Variants in DGKE observed in about 807,000 individuals in gnomAD.
DGKE encodes the protein DAG kinase epsilon.
A neutral mutation model predicts 70.0 loss-of-function variants in DGKE; 53 were observed. That is an observed-to-expected ratio of 0.76 (90% confidence interval 0.61 to 0.95). DGKE has a LOEUF of 0.95. DGKE is among the 40% of genes least tolerant of loss of function. The pLI is 0.00. For synonymous variants in DGKE, 291 were observed against 257.0 expected, an observed-to-expected ratio of 1.13 and a Z score of -1.27; for missense variants, 655 against 706.9, an observed-to-expected ratio of 0.93 and a Z score of 0.83.
Position 56,834,781 on chromosome 17 carries a change from T to C in DGKE, c.-15T>C, listed in dbSNP as rs200292945. ...CGCCTGTTTCTTTTCTGGTTAGGTA[T>C]CGTCCTTGGAGAAGATGGAAGCGGA... On this transcript the variant is annotated 5_prime_UTR_variant, in exon 2 of 12. Coordinates refer to ENST00000284061, the MANE Select transcript of DGKE (RefSeq NM_003647.3). The C allele has an allele frequency of 8.1e-5, 129 of 1,585,180 alleles. No individual in the cohort carries two copies. Among genetic ancestry groups the C allele is most frequent in the Middle Eastern group, 6.8e-4 (3 of 4,380 alleles).
chr17:56,838,846 C>T (rs1462444187), intron 2 of DGKE: 1 of 152,088 alleles, frequency 6.6e-6, no homozygotes, highest in African/African-American at 2.4e-5. Context: ...ACGTACATTT[C>T]ATTGTATGTA....
At chr17:56,852,406 C>G (rs1444000379) in intron 7 of DGKE, among the ~76,000 whole-genome samples, 1 of 98,468 alleles carries the variant, frequency 1.0e-5, no homozygotes, top group Non-Finnish European at 2.2e-5. Context: ...GAGCAAGACT[C>G]TGTCTCAAAA....
chr17:56,836,496 C>G (rs1007269778), intron 2 of DGKE: 6 of 152,202 alleles, frequency 3.9e-5, no homozygotes, highest in African/African-American at 1.4e-4. Flanking sequence ...CTTCCCTTCT[C>G]TGGTGTAGCC....
At chr17:56,837,215 T>C (rs975121045) in intron 2 of DGKE, among the ~76,000 whole-genome samples, 9 of 148,724 alleles carry the variant, frequency 6.1e-5, no homozygotes, top group African/African-American at 2.0e-4. Context: ...CGTTTTTTTG[T>C]TTTTTTTTTC....
chr17:56,840,176 GTAATAA>G (rs1224656183), intron 2 of DGKE, among the ~76,000 whole-genome samples: 1 of 152,012 alleles, frequency 6.6e-6, no homozygotes, highest in Non-Finnish European at 1.5e-5. Context: ...AAAAATAATA[GTAATAA>G]TAATAATCTT....
At chr17:56,838,512 C>A (rs921941297) in intron 2 of DGKE, 2 of 152,186 alleles carry the variant, frequency 1.3e-5, no homozygotes, top group African/African-American at 4.8e-5. Flanking sequence ...AAACTTCATT[C>A]ACAAAATCAG....
chr17:56,862,032 A>G (rs1598050781), intron 10 of DGKE, 108 bp from the exon 11 acceptor site: 1 of 1,533,132 alleles, frequency 6.5e-7, no homozygotes, highest in East Asian at 2.3e-5. Flanking sequence ...CTCATTAGTT[A>G]TAAATATTTT....
At chr17:56,844,471 A>C (rs1907172250) in intron 3 of DGKE, among the ~76,000 whole-genome samples, 1 of 152,190 alleles carries the variant, frequency 6.6e-6, no homozygotes, top group African/African-American at 2.4e-5. Context: ...TGAATGATTT[A>C]GGGAGCTTTT....
At chr17:56,854,640 C>A (rs143174383) in intron 7 of DGKE, among the ~76,000 whole-genome samples, 290 of 152,000 alleles carry the variant, frequency 1.9e-3, no homozygotes, top group African/African-American at 6.6e-3. Context: ...TAGATGTTCT[C>A]ACCACAAATA....
rs1908634792 is a variant in DGKE at position 56,868,805 on chromosome 17, T to C, written c.*6014T>C. ...TGTGGCAAGTTCTGATCACATACTT[T>C]TAGACAGAAAGAATAAAAAATTCAT... On this transcript the variant is annotated 3_prime_UTR_variant, in exon 12 of 12. Coordinates refer to ENST00000284061, the MANE Select transcript of DGKE (RefSeq NM_003647.3). 6.6e-6 allele frequency: 1 copy of C among 152,222 alleles called. No homozygotes were observed. Among genetic ancestry groups the C allele is most frequent in the African/African-American group, 2.4e-5 (1 of 41,464 alleles). The allele number at this position is 152,222 out of a possible 1,614,324, so 9.4% of individuals were successfully genotyped here.
chr17:56,835,637 C>T (rs1906565571), intron 2 of DGKE: 1 of 319,782 alleles, frequency 3.1e-6, no homozygotes, highest in Non-Finnish European at 5.7e-6. Flanking sequence ...CTTTTCCCTT[C>T]AGCCGCAAAA....
At chr17:56,858,084 A>G (rs934967269) in intron 8 of DGKE, among the ~76,000 whole-genome samples, 5 of 150,952 alleles carry the variant, frequency 3.3e-5, no homozygotes, top group South Asian at 2.1e-4. Flanking sequence ...AAAAAAAAAA[A>G]AAAAAGAAAA....
intron 4 of DGKE, among the ~76,000 whole-genome samples, chr17:56,847,188 A>C (rs878973802): frequency 7.9e-5 from 12 of 151,376 alleles, no homozygotes; most frequent in African/African-American, 2.7e-4. Context: ...ATGTATTGCA[A>C]AATTGCTTTC....
intron 3 of DGKE, among the ~76,000 whole-genome samples, chr17:56,844,603 T>G (rs1191355398): frequency 6.6e-6 from 1 of 152,176 alleles, no homozygotes; most frequent in Non-Finnish European, 1.5e-5. Context: ...ACAGTCAGTT[T>G]TGGGATTCAT....
Position 56,864,476 on chromosome 17 carries a change from TCTC to T in DGKE, c.*1689_*1691del, listed in dbSNP as rs1233875344. ...TTTTGCTAAATTAACCTCTTGCAGA[TCTC>T]CTCAGGTGATCTTAAATTCTAGTCT... is the stretch of plus-strand genomic sequence containing the variant. On this transcript the variant is annotated 3_prime_UTR_variant, in exon 12 of 12. Transcript: ENST00000284061. 6.6e-6 allele frequency: 1 copy of T among 152,208 alleles called. No individual in the cohort carries two copies. Among genetic ancestry groups the T allele is most frequent in the Non-Finnish European group, 1.5e-5 (1 of 68,040 alleles). 9.4% of individuals were successfully genotyped at this position (152,208 alleles called of 1,614,324 possible).
In DGKE at chr17:56,852,347, A is replaced by C. The variant is rs1402924018; in HGVS notation, c.1098+3115A>C. On this transcript the variant is annotated intron_variant, in intron 7 of 11. Transcript: ENST00000284061. ...AGAATTGCTTGAACCCGAGAGGCAGAGGGTGCAGTGAGCCAAGATCACGCC... is the reference window on the plus strand; with the variant it reads ...AGAATTGCTTGAACCCGAGAGGCAGCGGGTGCAGTGAGCCAAGATCACGCC... Among the ~76,000 whole-genome samples, 3 of 151,682 alleles carry C rather than the reference A, an allele frequency of 2.0e-5. No individual in the cohort carries two copies. In the East Asian group the frequency reaches 5.8e-4, roughly 29 times the overall value.
In DGKE at chr17:56,847,920, A is replaced by T; in HGVS notation, c.745-2A>T. The T allele has an allele frequency of 6.5e-7, 1 of 1,541,992 alleles. No homozygotes were observed. The highest frequency in any genetic ancestry group is 8.7e-7 in the Non-Finnish European group (1 of 1,147,642). On this transcript the variant is annotated splice_acceptor_variant, in intron 4 of 11. Transcript: ENST00000284061. LOFTEE classifies it high-confidence loss of function. The stretch of plus-strand genomic sequence containing the variant: ...TAATTTGTCTTTTTCTTTTGTTTCT[A>T]GGTTTTTGATGTAACTAAAACTCCT...
rs1908601915 is a variant in DGKE, at chr17:56,867,961, C to G, written c.*5170C>G. 6.6e-6 allele frequency: 1 copy of G among 151,772 alleles called. No homozygotes were observed. Among genetic ancestry groups the G allele is most frequent in the African/African-American group, 2.4e-5 (1 of 41,300 alleles). 9.4% of individuals were successfully genotyped at this position (151,772 alleles called of 1,614,324 possible). A position where few individuals can be genotyped will look rare whatever the true frequency, so the allele number is the denominator to read the frequency against. ...GTGTTGCTGGTATCAGATATCAGAC[C>G]AAGAACACTTCAGTCTCTCTAAGGA... On this transcript the variant is annotated 3_prime_UTR_variant, in exon 12 of 12. Transcript: ENST00000284061.
In DGKE at chr17:56,863,338, TAAAA is replaced by T. The variant is rs1008534024; in HGVS notation, c.*551_*554del. 1 of 152,206 alleles carries T rather than the reference TAAAA, an allele frequency of 6.6e-6. No homozygotes were observed. Among genetic ancestry groups the T allele is most frequent in the Non-Finnish European group, 1.5e-5 (1 of 68,024 alleles). The allele number at this position is 152,206 out of a possible 1,614,324, so 9.4% of individuals were successfully genotyped here. A position where few individuals can be genotyped will look rare whatever the true frequency, so the allele number is the denominator to read the frequency against. On this transcript the variant is annotated 3_prime_UTR_variant, in exon 12 of 12. Coordinates refer to ENST00000284061, the MANE Select transcript of DGKE (RefSeq NM_003647.3). ...CTAGGAACCCCCAAAAGGAGAATAG[TAAAA>T]AAAGATCATACTTAAAATTTGTATT... is the stretch of plus-strand genomic sequence containing the variant.
Sources: allele counts gnomAD v4.1 joint callset (sites outside exome capture counted in the v4.1 genomes callset), GRCh38; gene constraint gnomAD v4.1.1; transcripts MANE v1.5; gene names NCBI Gene and HGNC (gene_info 2026-07-23, HGNC 2026-07-21).